Variants in NFATC1 observed in about 807,000 individuals in gnomAD.
NFATC1 encodes nuclear factor of activated T cells 1.
A neutral mutation model predicts 76.0 loss-of-function variants in NFATC1; 22 were observed. That is an observed-to-expected ratio of 0.29 (90% CI 0.21 to 0.41). NFATC1 has a LOEUF of 0.41. Ranked by LOEUF, NFATC1 falls within the 10% of genes least tolerant of loss-of-function variation. The pLI is 1.00. For synonymous variants in NFATC1, 704 were observed against 613.1 expected, an observed-to-expected ratio of 1.15 and a Z score of -2.19; for missense variants, 1,357 against 1,337.7, an observed-to-expected ratio of 1.01 and a Z score of -0.23.
At chr18:79,401,126 G>C (rs555836119) in intron 1 of NFATC1, among the ~76,000 whole-genome samples, 2 of 151,568 alleles carry the variant, frequency 1.3e-5, no homozygotes, top group South Asian at 4.2e-4. Flanking sequence ...CCGAAGAGCA[G>C]CGAGTGAGTG....
rs201572682 is a variant in NFATC1, at chr18:79,416,711, G to A, written c.1226+5210G>A. Among the ~76,000 whole-genome samples the A allele has an allele frequency of 5.1e-4, 78 of 152,294 alleles. 1 individual carries two copies. The East Asian group carries it at 0.012, about 23-fold the overall frequency. On this transcript the variant is annotated intron_variant, in intron 2 of 9. Coordinates refer to ENST00000427363, the MANE Select transcript of NFATC1 (RefSeq NM_001278669.2). Reference sequence around the variant, plus strand: ...ACGGCTCAGGACTGACTGCCACTGCGTCTCCCTGTAAGCCCCTCCCTTTCT... The same window carrying A: ...ACGGCTCAGGACTGACTGCCACTGCATCTCCCTGTAAGCCCCTCCCTTTCT...
At chr18:79,478,540 C>T (rs1359460948) in intron 8 of NFATC1, among the ~76,000 whole-genome samples, 1 of 152,202 alleles carries the variant, frequency 6.6e-6, no homozygotes, top group Admixed American at 6.5e-5. Flanking sequence ...CATGTCCTGG[C>T]TCCTGTTACC....
chr18:79,457,030 A>C (rs7239086), intron 6 of NFATC1, among the ~76,000 whole-genome samples: 16,160 of 152,226 alleles, frequency 0.11, 1,134 homozygotes, highest in Non-Finnish European at 0.15. Flanking sequence ...GATCTTTCAG[A>C]TTTGTGTTTT....
intron 1 of NFATC1, among the ~76,000 whole-genome samples, chr18:79,397,840 T>C (rs1238130555): frequency 1.3e-5 from 2 of 152,158 alleles, no homozygotes; most frequent in Non-Finnish European, 2.9e-5. Context: ...TTTTCGTGTT[T>C]CCTACTGAAG....
chr18:79,414,031 T>C (rs2085791286), intron 2 of NFATC1, among the ~76,000 whole-genome samples: 1 of 152,216 alleles, frequency 6.6e-6, no homozygotes, highest in Non-Finnish European at 1.5e-5. Flanking sequence ...CTTTTCCCAC[T>C]GTTCTGGTTC....
At chr18:79,456,516 C>T (rs142564380) in intron 6 of NFATC1, among the ~76,000 whole-genome samples, 3 of 152,376 alleles carry the variant, frequency 2.0e-5, no homozygotes, top group Non-Finnish European at 4.4e-5. Flanking sequence ...GCTGGCCACC[C>T]TGCCCCTCTC....
rs1231640669 is a variant in NFATC1, at chr18:79,512,716, G to A, written c.2783-14812G>A. Among the ~76,000 whole-genome samples the A allele has an allele frequency of 3.3e-5, 5 of 152,368 alleles. 1 individual carries two copies. Among genetic ancestry groups the A allele is most frequent in the Middle Eastern group, 6.8e-3 (2 of 294 alleles). The stretch of plus-strand genomic sequence containing the variant: ...GCACCTGTGCCCTCTGCTGCGCTCT[G>A]GGCTGTGGCTGCCGTTTGAACAGTG... On this transcript the variant is annotated intron_variant, in intron 9 of 9. Coordinates refer to ENST00000427363, the MANE Select transcript of NFATC1 (RefSeq NM_001278669.2).
At chr18:79,401,601 C>T (rs1238019374) in intron 1 of NFATC1, among the ~76,000 whole-genome samples, 1 of 152,242 alleles carries the variant, frequency 6.6e-6, no homozygotes, top group Non-Finnish European at 1.5e-5. Flanking sequence ...TCCTCCCCGG[C>T]TTGAGCCAGG....
intron 9 of NFATC1, among the ~76,000 whole-genome samples, chr18:79,514,247 T>C (rs2145186444): frequency 6.6e-6 from 1 of 151,998 alleles, no homozygotes. Context: ...GAGACCACCC[T>C]GGGGCAACAT....
chr18:79,482,295 G>T (rs2089306030), intron 8 of NFATC1, among the ~76,000 whole-genome samples: 1 of 146,560 alleles, frequency 6.8e-6, no homozygotes, highest in Non-Finnish European at 1.5e-5. Flanking sequence ...TGGTTCCTGG[G>T]GTGTAATTCC....
chr18:79,409,440 T>C (rs1351321124), intron 1 of NFATC1, among the ~76,000 whole-genome samples: 1 of 151,850 alleles, frequency 6.6e-6, no homozygotes, highest in African/African-American at 2.4e-5. Context: ...CATTTATCTA[T>C]CCATCCATTC....
chr18:79,499,870 A>G (rs950135446), intron 9 of NFATC1, among the ~76,000 whole-genome samples: 6 of 152,196 alleles, frequency 3.9e-5, no homozygotes, highest in Admixed American at 1.3e-4. Context: ...AAATATTACT[A>G]GAAACAATGA....
intron 6 of NFATC1, among the ~76,000 whole-genome samples, chr18:79,459,610 G>A (rs1600789734): frequency 1.3e-5 from 2 of 152,342 alleles, no homozygotes; most frequent in African/African-American, 4.8e-5. Context: ...TCCTAGGGAA[G>A]CTGAAGTTGT....
intron 1 of NFATC1, among the ~76,000 whole-genome samples, chr18:79,398,998 C>CG (rs2148120452): frequency 6.6e-6 from 1 of 152,336 alleles, no homozygotes; most frequent in East Asian, 1.9e-4. Flanking sequence ...ACTCGGAAGG[C>CG]GGAGGTTGCA....
At chr18:79,467,837 C>G in intron 8 of NFATC1, 1 of 1,177,584 alleles carries the variant, frequency 8.5e-7, no homozygotes, top group Non-Finnish European at 1.1e-6. Context: ...TATTTTGCTT[C>G]TTGCGAATGT....
chr18:79,474,494 TCA>T (rs2088953993), intron 8 of NFATC1, among the ~76,000 whole-genome samples: 1 of 149,564 alleles, frequency 6.7e-6, no homozygotes, highest in Non-Finnish European at 1.5e-5. Flanking sequence ...GTTCTCACAC[TCA>T]CTGTCGACGT....
chr18:79,465,144 T>C lies in NFATC1; in HGVS notation c.1960-2306T>C, dbSNP rs1043365759. 7.2e-5 allele frequency among the ~76,000 whole-genome samples: 11 copies of C among 152,212 alleles called. 1 individual carries two copies. On this transcript the variant is annotated intron_variant, in intron 7 of 9. Transcript: ENST00000427363. This position sits in a 1 kb window ranked among gnomAD's most constrained non-coding sequence, Gnocchi z 4.2. ...CTGGTGCCATTTGGAACCCGTATTTTTTCCGGTACAGACGAGTTTCCCTCT... is the reference window on the plus strand; with the variant it reads ...CTGGTGCCATTTGGAACCCGTATTTCTTCCGGTACAGACGAGTTTCCCTCT...
intron 9 of NFATC1, among the ~76,000 whole-genome samples, chr18:79,495,543 C>G (rs753115879): frequency 2.0e-5 from 3 of 152,204 alleles, no homozygotes; most frequent in Non-Finnish European, 1.5e-5. Context: ...GACATAGGGA[C>G]GAGGTGGAAG....
At chr18:79,491,412 G>C (rs1369343017) in intron 9 of NFATC1, among the ~76,000 whole-genome samples, 2 of 152,214 alleles carry the variant, frequency 1.3e-5, no homozygotes, top group African/African-American at 4.8e-5. Flanking sequence ...GTGTCGCTGT[G>C]TCTTTGATAG....
Sources: allele counts gnomAD v4.1 joint callset (sites outside exome capture counted in the v4.1 genomes callset), GRCh38; gene constraint gnomAD v4.1.1; non-coding constraint Gnocchi (gnomAD v3.1); transcripts MANE v1.5; gene names NCBI Gene and HGNC (gene_info 2026-07-23, HGNC 2026-07-21).